The following PTPRB variants were observed in gnomAD, a reference collection of about 807,000 sequenced individuals.
The protein encoded by PTPRB is protein tyrosine phosphatase receptor type B.
PTPRB carries 97 observed loss-of-function variants against 238.1 expected under a neutral mutation model. That is an observed-to-expected ratio of 0.41 (90% CI 0.35 to 0.48). The LOEUF is 0.48. PTPRB is among the 20% of genes least tolerant of loss of function. The pLI, the probability that PTPRB is intolerant of heterozygous loss-of-function variation, is 0.30. For synonymous variants in PTPRB, 970 were observed against 995.4 expected (o/e 0.97, Z 0.48); for missense variants, 2,292 against 2,681.9 (o/e 0.85, Z 3.21).
intron 3 of PTPRB, among the ~76,000 whole-genome samples, chr12:70,619,322 A>ACGATAATG (rs1566018232): frequency 1.6e-5 from 1 of 61,810 alleles, no homozygotes; most frequent in Non-Finnish European, 3.0e-5. Flanking sequence ...TGATAATGAT[A>ACGATAATG]ATGATAATGA....
intron 31 of PTPRB, among the ~76,000 whole-genome samples, chr12:70,532,698 G>A (rs1415472519): frequency 6.6e-6 from 1 of 151,744 alleles, no homozygotes; most frequent in Non-Finnish European, 1.5e-5. Context: ...CTGGAGTGCA[G>A]TGGCACAAGC....
At chr12:70,537,241 C>G (rs185172031) in intron 28 of PTPRB, among the ~76,000 whole-genome samples, 2 of 134,794 alleles carry the variant, frequency 1.5e-5, no homozygotes, top group African/African-American at 5.7e-5. Flanking sequence ...GAGCAGAGAT[C>G]GCGCCACTGC....
intron 9 of PTPRB, among the ~76,000 whole-genome samples, chr12:70,586,349 C>A (rs1881913568): frequency 2.0e-5 from 3 of 152,168 alleles, no homozygotes; most frequent in Non-Finnish European, 4.4e-5. Context: ...TCTAACTGAA[C>A]TTCCACCATG....
chr12:70,523,867 G>A (rs542486493), intron 33 of PTPRB, among the ~76,000 whole-genome samples: 83 of 152,000 alleles, frequency 5.5e-4, no homozygotes, highest in African/African-American at 1.8e-3. Flanking sequence ...CCAGTCTGGA[G>A]TGCAGTGGTG....
Position 70,592,358 on chromosome 12 carries a change from G to A in PTPRB, c.1704C>T (p.Pro568=), listed in dbSNP as rs750185924. Residue 568 remains proline, a synonymous_variant, in exon 7 of 34, where the codon CCC becomes CCT. Transcript: ENST00000334414. ...ITETHFKELV[P]GRLYQVTVSC... Reference sequence around the variant, plus strand: ...TGACAGTAACTTGATAAAGTCGACCGGGGACTAACTCTTTAAAGTGAGTTT... The same window carrying A: ...TGACAGTAACTTGATAAAGTCGACCAGGGACTAACTCTTTAAAGTGAGTTT... The A allele has an allele frequency of 1.1e-5, 18 of 1,613,906 alleles. No homozygotes were observed. In the East Asian group the frequency reaches 1.3e-4, roughly 12 times the overall value.
intron 32 of PTPRB, chr12:70,525,416 T>TTGAG (rs1350948091): frequency 6.6e-6 from 1 of 152,204 alleles, no homozygotes; most frequent in East Asian, 1.9e-4. Context: ...TGTTAGTTCT[T>TTGAG]TGAGTGCAAG....
chr12:70,525,415 T>C (rs576764001), intron 32 of PTPRB: 1 of 152,332 alleles, frequency 6.6e-6, no homozygotes, highest in South Asian at 2.1e-4. Flanking sequence ...CTGTTAGTTC[T>C]TTGAGTGCAA....
At chr12:70,585,927 C>T (rs1324244433) in intron 9 of PTPRB, among the ~76,000 whole-genome samples, 2 of 151,972 alleles carry the variant, frequency 1.3e-5, no homozygotes, top group Admixed American at 1.3e-4. Context: ...ATAGTTTGCT[C>T]AGAATGATGG....
chr12:70,576,167 A>G (rs1880662082), intron 11 of PTPRB, among the ~76,000 whole-genome samples: 1 of 152,234 alleles, frequency 6.6e-6, no homozygotes, highest in Non-Finnish European at 1.5e-5. Flanking sequence ...ATAAACGGGA[A>G]CACTTTTTTC....
chr12:70,618,505 A>G (rs994954186), intron 3 of PTPRB, among the ~76,000 whole-genome samples: 4 of 152,210 alleles, frequency 2.6e-5, no homozygotes, highest in Non-Finnish European at 5.9e-5. Flanking sequence ...TAAAGAAGAA[A>G]TGAGTGGGAC....
intron 21 of PTPRB, among the ~76,000 whole-genome samples, chr12:70,548,850 G>A (rs3782378): frequency 0.027 from 4,134 of 152,164 alleles, 154 homozygotes; most frequent in East Asian, 0.15. Context: ...AAACCTCCAC[G>A]CTTTGACTCC....
intron 2 of PTPRB, among the ~76,000 whole-genome samples, chr12:70,633,036 C>T (rs1312623624): frequency 6.6e-6 from 1 of 152,106 alleles, no homozygotes; most frequent in Non-Finnish European, 1.5e-5. Context: ...AAACATGTGG[C>T]TTAGATTTTT....
chr12:70,619,497 T>C (rs997137504), intron 3 of PTPRB, among the ~76,000 whole-genome samples: 1 of 152,120 alleles, frequency 6.6e-6, no homozygotes, highest in African/African-American at 2.4e-5. Flanking sequence ...ATCAATAGAA[T>C]ATCGCAGAAG....
intron 32 of PTPRB, among the ~76,000 whole-genome samples, chr12:70,531,716 G>C (rs1347741436): frequency 6.6e-6 from 1 of 151,752 alleles, no homozygotes; most frequent in African/African-American, 2.4e-5. Flanking sequence ...CACTCCCTTG[G>C]GGTCTCCTGA....
intron 8 of PTPRB, among the ~76,000 whole-genome samples, chr12:70,588,547 C>T (rs538724484): frequency 9.3e-4 from 141 of 151,634 alleles, no homozygotes; most frequent in African/African-American, 3.2e-3. Flanking sequence ...GCAGGAGAAT[C>T]GTTTGAACCT....
intron 2 of PTPRB, 103 bp from the exon 3 acceptor site, chr12:70,622,749 G>C: frequency 7.6e-7 from 1 of 1,313,036 alleles, no homozygotes; most frequent in Non-Finnish European, 1.0e-6. Context: ...TCAATAATGG[G>C]CATGTGGATA....
intron 14 of PTPRB, 64 bp downstream of exon 14, chr12:70,569,611 C>G: frequency 6.3e-7 from 1 of 1,587,214 alleles, no homozygotes; most frequent in African/African-American, 1.3e-5. Context: ...AGCCCGTTCA[C>G]TGTCCCATTT....
At chr12:70,621,337 A>G (rs933165106) in intron 3 of PTPRB, among the ~76,000 whole-genome samples, 1 of 152,162 alleles carries the variant, frequency 6.6e-6, no homozygotes, top group African/African-American at 2.4e-5. Flanking sequence ...ATTTAAGTCA[A>G]ATTTAGAGTT....
At chr12:70,553,410 A>G (rs1877198039) in intron 20 of PTPRB, among the ~76,000 whole-genome samples, 1 of 152,218 alleles carries the variant, frequency 6.6e-6, no homozygotes, top group Non-Finnish European at 1.5e-5. Flanking sequence ...GGAAACCCCT[A>G]TGACCTGGGA....
Sources: gnomAD v4.1 joint callset for allele counts (sites outside exome capture counted in the v4.1 genomes callset) on GRCh38, gnomAD v4.1.1 for gene constraint, MANE v1.5 for transcripts, NCBI Gene and HGNC (gene_info 2026-07-23, HGNC 2026-07-21) for gene names.